The following ABCB11 variants were observed in gnomAD, a reference collection of about 807,000 sequenced individuals.
The protein encoded by ABCB11 is bile salt export pump.
Under a neutral mutation model 148.0 loss-of-function variants are expected in ABCB11, and 95 were observed. That is an observed-to-expected ratio of 0.64 (90% CI 0.54 to 0.76). The LOEUF is 0.76. Among genes scored for constraint, ABCB11 ranks in the 30% least tolerant of loss-of-function variants. ABCB11 has a pLI of 0.00. For missense variants in ABCB11, 1,523 were observed against 1,617.8 expected (o/e 0.94, Z 1.01); for synonymous variants, 591 against 555.4 (o/e 1.06, Z -0.90).
chr2:168,932,356 G>A lies in ABCB11; in HGVS notation c.3213+21C>T, dbSNP rs762059511. On this transcript the variant is annotated intron_variant, in intron 24 of 27. Transcript: ENST00000650372. ...CATGAACTCATCCTTTTTTATGGCT[G>A]CATAGTATTCCAACACTTACCCATT... The A allele has an allele frequency of 6.5e-6, 10 of 1,545,060 alleles. No individual in the cohort carries two copies. The South Asian group carries it at 1.1e-4, about 17-fold the overall frequency.
chr2:169,009,217 C>T (rs1395525122), intron 5 of ABCB11, among the ~76,000 whole-genome samples: 2 of 152,074 alleles, frequency 1.3e-5, no homozygotes, highest in East Asian at 1.9e-4. Flanking sequence ...ACCCAGCCAT[C>T]CCATTACTGG....
At chr2:168,944,435 T>C (rs1348473530) in intron 21 of ABCB11, among the ~76,000 whole-genome samples, 170 bp downstream of exon 21, 1 of 152,052 alleles carries the variant, frequency 6.6e-6, no homozygotes, top group Non-Finnish European at 1.5e-5. Context: ...GGAGACACTG[T>C]GCTTTAGCTG....
rs774411820 is a variant in ABCB11, at chr2:168,957,963, C to A, written c.2343+1G>T. ...GAAAGCTAGTCCAGCTGTGTACTTA[C>A]CCCAAGAATCTGGCTGAATAAAAAG... is the stretch of plus-strand genomic sequence containing the variant. On this transcript the variant is annotated splice_donor_variant, in intron 19 of 27. Coordinates refer to ENST00000650372, the MANE Select transcript of ABCB11 (RefSeq NM_003742.4). LOFTEE classifies it high-confidence loss of function. 1.0e-5 allele frequency: 16 copies of A among 1,568,044 alleles called. No individual in the cohort carries two copies. The highest frequency in any genetic ancestry group is 1.3e-5 in the Non-Finnish European group (15 of 1,146,736).
chr2:169,015,889 T>C (rs751992169), intron 3 of ABCB11, among the ~76,000 whole-genome samples: 2 of 152,176 alleles, frequency 1.3e-5, no homozygotes, highest in African/African-American at 4.8e-5. Flanking sequence ...TGATACCAAA[T>C]AGACACTCAA....
At chr2:168,958,953 G>A (rs1692927700) in intron 18 of ABCB11, among the ~76,000 whole-genome samples, 1 of 151,546 alleles carries the variant, frequency 6.6e-6, no homozygotes, top group Non-Finnish European at 1.5e-5. Context: ...GATTTGTATT[G>A]ATTTTTAAAA....
At chr2:168,949,236 G>T (rs752134166) in intron 19 of ABCB11, among the ~76,000 whole-genome samples, 4 of 151,390 alleles carry the variant, frequency 2.6e-5, no homozygotes, top group Non-Finnish European at 4.4e-5. Context: ...TGTATATTTA[G>T]GGGGTACAAG....
chr2:168,927,665 CT>C (rs1329012241), intron 25 of ABCB11, among the ~76,000 whole-genome samples: 1 of 152,096 alleles, frequency 6.6e-6, no homozygotes, highest in Non-Finnish European at 1.5e-5. Flanking sequence ...CGTCCCCTTA[CT>C]TTGGTGCAGC....
At chr2:169,013,785 C>T (rs2241339) in intron 4 of ABCB11, among the ~76,000 whole-genome samples, 1 of 151,940 alleles carries the variant, frequency 6.6e-6, no homozygotes, top group African/African-American at 2.4e-5. Context: ...AGCTGACTTT[C>T]GTTTTTAGCT....
chr2:169,013,273 C>CA lies in ABCB11; in HGVS notation c.387dup (p.Gly130TrpfsTer51). On this transcript the variant is annotated frameshift_variant and splice_region_variant, in exon 5 of 28. Transcript: ENST00000650372. LOFTEE classifies it high-confidence loss of function. The stretch of plus-strand genomic sequence containing the variant: ...AAATTAAAAACAAAAACAACCTACC[C>CA]ACAACGTGTTCCATTTGTCATGTTC... The CA allele has an allele frequency of 6.2e-7, 1 of 1,603,476 alleles. No homozygotes were observed. The highest frequency in any genetic ancestry group is 8.5e-7 in the Non-Finnish European group (1 of 1,172,936).
intron 9 of ABCB11, 47 bp downstream of exon 9, chr2:168,990,754 T>A: frequency 6.2e-7 from 1 of 1,608,228 alleles, no homozygotes; most frequent in Non-Finnish European, 8.5e-7. Flanking sequence ...CAGGGTACTA[T>A]GCTGATTGAT....
intron 19 of ABCB11, among the ~76,000 whole-genome samples, chr2:168,950,275 G>C (rs756299252): frequency 3.3e-5 from 5 of 151,224 alleles, no homozygotes; most frequent in Middle Eastern, 3.4e-3. Flanking sequence ...TGTCCCTCTA[G>C]AGAACGCTGT....
intron 23 of ABCB11, among the ~76,000 whole-genome samples, chr2:168,933,211 TG>T (rs1314596339): frequency 6.6e-6 from 1 of 152,104 alleles, no homozygotes; most frequent in Non-Finnish European, 1.5e-5. Flanking sequence ...CAGATTGAGT[TG>T]ATTTTTCTAG....
chr2:168,975,591 A>T (rs138258932), intron 12 of ABCB11, among the ~76,000 whole-genome samples: 2,289 of 27,814 alleles, frequency 0.082, 976 homozygotes, highest in East Asian at 0.25. Flanking sequence ...ATATAAATAC[A>T]TAAATATTTT....
In ABCB11 at chr2:168,923,249, C is replaced by T. The variant is rs533233749; in HGVS notation, c.*373G>A. On this transcript the variant is annotated 3_prime_UTR_variant, in exon 28 of 28. Transcript: ENST00000650372. Reference sequence around the variant, plus strand: ...GAGGGTTCAAAAATGAAAGACAGTTCTCTGCCCTTGAGGAGTTCAAAGTGT... The same window carrying T: ...GAGGGTTCAAAAATGAAAGACAGTTTTCTGCCCTTGAGGAGTTCAAAGTGT... 2.8e-5 allele frequency: 7 copies of T among 245,966 alleles called. No individual in the cohort carries two copies. In the South Asian group the frequency reaches 5.2e-4, roughly 18 times the overall value. The allele number at this position is 245,966 out of a possible 1,614,324, so 15.2% of individuals were successfully genotyped here.
intron 19 of ABCB11, among the ~76,000 whole-genome samples, chr2:168,946,821 G>A (rs977476182): frequency 6.6e-6 from 1 of 151,596 alleles, no homozygotes. Flanking sequence ...TTCTGGTGCA[G>A]TGGTTTTCTA....
chr2:168,983,994 C>A (rs1694226662), intron 10 of ABCB11, among the ~76,000 whole-genome samples: 1 of 151,728 alleles, frequency 6.6e-6, no homozygotes, highest in South Asian at 2.1e-4. Flanking sequence ...TTCCATATCA[C>A]AAAAGTGCTT....
In ABCB11 at chr2:168,958,059, G is replaced by A; in HGVS notation, c.2248C>T (p.Pro750Ser). The change falls in exon 19 of 28, where the codon CCA becomes TCA. Residue 750 changes from proline (P) to serine (S), a missense_variant. By Grantham distance (74) the Pro-to-Ser change is moderately conservative (BLOSUM62 -1). Coordinates refer to ENST00000650372, the MANE Select transcript of ABCB11 (RefSeq NM_003742.4). ...PVRRILKFSA[P>S]EWPYMLVGSV... ...CCTACCAGCATGTAGGGCCATTCTG[G>A]AGCACTGAATTTCAGAATCCTCCTA... 1 of 1,611,402 alleles carries A rather than the reference G, an allele frequency of 6.2e-7. No homozygotes were observed. Among genetic ancestry groups the A allele is most frequent in the South Asian group, 1.1e-5 (1 of 90,976 alleles).
chr2:169,020,184 T>C (rs770263460), intron 1 of ABCB11, among the ~76,000 whole-genome samples: 5 of 152,208 alleles, frequency 3.3e-5, no homozygotes, highest in Admixed American at 6.5e-5. Flanking sequence ...TTCATTGTTA[T>C]GACAATCTGA....
Position 168,923,638 on chromosome 2 carries a change from C to G in ABCB11, c.3950G>C (p.Gly1317Ala), listed in dbSNP as rs1424778805. Residue 1317 changes from glycine to alanine, a missense_variant, in exon 28 of 28, where the codon GGA becomes GCA. Gly to Ala is a moderately conservative substitution (Grantham distance 60). Transcript: ENST00000650372. ...KGAYYKLVTT[G>A]SPIS is the part of the protein sequence containing the mutation. ...TGCATTGGGTCAACTGATGGGGGATCCAGTGGTGACTAGTTTGTAGTAGGC... is the reference window on the plus strand; with the variant it reads ...TGCATTGGGTCAACTGATGGGGGATGCAGTGGTGACTAGTTTGTAGTAGGC... 1 of 1,613,592 alleles carries G rather than the reference C, an allele frequency of 6.2e-7. No homozygotes were observed. The highest frequency in any genetic ancestry group is 1.3e-5 in the African/African-American group (1 of 74,816).
Sources: gnomAD v4.1 joint callset for allele counts (sites outside exome capture counted in the v4.1 genomes callset) on GRCh38, gnomAD v4.1.1 for gene constraint, MANE v1.5 for transcripts, NCBI Gene and HGNC (gene_info 2026-07-23, HGNC 2026-07-21) for gene names.